The following KDM4C variants were observed in gnomAD, a reference collection of about 807,000 sequenced individuals.
KDM4C encodes the protein lysine-specific demethylase 4C.
Under a neutral mutation model 129.3 loss-of-function variants are expected in KDM4C, and 81 were observed. That is an observed-to-expected ratio of 0.63 (90% CI 0.52 to 0.75). The LOEUF (loss-of-function observed/expected upper bound fraction) is 0.75. Ranked by LOEUF, KDM4C falls within the 30% of genes least tolerant of loss-of-function variation. KDM4C has a pLI of 0.00. For synonymous variants in KDM4C, 573 were observed against 456.1 expected (o/e 1.26, Z -3.26); for missense variants, 1,457 against 1,304.0 (o/e 1.12, Z -1.81).
In KDM4C at chr9:6,758,228, G is replaced by T. The variant is rs1818644512; in HGVS notation, c.-18+25G>T. 1 of 984,532 alleles carries T rather than the reference G, an allele frequency of 1.0e-6. No individual in the cohort carries two copies. Among genetic ancestry groups the T allele is most frequent in the South Asian group, 4.7e-5 (1 of 21,262 alleles). 61.0% of individuals were successfully genotyped at this position (984,532 alleles called of 1,614,324 possible). On this transcript the variant is annotated intron_variant, in intron 1 of 21. Coordinates refer to ENST00000381309, the MANE Select transcript of KDM4C (RefSeq NM_015061.6). This position sits in a 1 kb window ranked among gnomAD's most constrained non-coding sequence, Gnocchi z 4.6. ...GGTAACCGCTTTTCCGGAGTCTGGG[G>T]GCCAGGGCGGGGGGAGGGTCCGGAG...
At chr9:6,927,071 A>G (rs1230559484) in intron 8 of KDM4C, among the ~76,000 whole-genome samples, 1 of 150,726 alleles carries the variant, frequency 6.6e-6, no homozygotes, top group African/African-American at 2.4e-5. Context: ...CTTAGATTCT[A>G]TCCTTTCAAA....
chr9:6,787,379 C>T (rs1205506860), intron 1 of KDM4C, among the ~76,000 whole-genome samples: 5 of 152,266 alleles, frequency 3.3e-5, no homozygotes, highest in Non-Finnish European at 4.4e-5. Flanking sequence ...ATCACAGGCA[C>T]GCACCACCAC....
chr9:6,917,546 T>G lies in KDM4C; in HGVS notation c.921+24314T>G, dbSNP rs547884293. ...TAGCTATTTCTCTTGCTTGTCCCTG[T>G]GTATCTGACCATGGCTGGAGATAAG... is the stretch of plus-strand genomic sequence containing the variant. On this transcript the variant is annotated intron_variant, in intron 8 of 21. Coordinates refer to ENST00000381309, the MANE Select transcript of KDM4C (RefSeq NM_015061.6). Among the ~76,000 whole-genome samples the G allele has an allele frequency of 2.0e-5, 3 of 152,346 alleles. No homozygotes were observed. In the East Asian group the frequency reaches 5.8e-4, roughly 29 times the overall value.
At chr9:7,151,689 A>G (rs1309376279) in intron 19 of KDM4C, among the ~76,000 whole-genome samples, 2 of 152,298 alleles carry the variant, frequency 1.3e-5, no homozygotes, top group East Asian at 1.9e-4. Context: ...CAAAACTATT[A>G]AAAAGGGAAA....
chr9:7,172,663 G>C (rs1239445191), intron 21 of KDM4C, among the ~76,000 whole-genome samples: 2 of 152,204 alleles, frequency 1.3e-5, no homozygotes, highest in Admixed American at 6.5e-5. Flanking sequence ...CTGTTACCCT[G>C]AGTAACTGTC....
intron 8 of KDM4C, among the ~76,000 whole-genome samples, chr9:6,970,164 G>A (rs1048321219): frequency 2.0e-5 from 3 of 152,048 alleles, no homozygotes; most frequent in Non-Finnish European, 2.9e-5. Flanking sequence ...CAAATCATGC[G>A]GTGCAATTTT....
chr9:6,949,202 T>C (rs981912787), intron 8 of KDM4C, among the ~76,000 whole-genome samples: 1 of 141,040 alleles, frequency 7.1e-6, no homozygotes, highest in Non-Finnish European at 1.5e-5. Context: ...GCTCCTCACT[T>C]CTCAGACGGG....
chr9:6,758,427 T>G lies in KDM4C; in HGVS notation c.-18+224T>G, dbSNP rs553307509. On this transcript the variant is annotated intron_variant, in intron 1 of 21. Transcript: ENST00000381309. The surrounding 1 kb of genome is among the most constrained non-coding windows in gnomAD (Gnocchi z 4.6). The stretch of plus-strand genomic sequence containing the variant: ...GATGCGGGGGCCGGTGACAGCCCGC[T>G]CCGGCCCTTACCGAGGTTCGGTACC... Among the ~76,000 whole-genome samples the G allele has an allele frequency of 7.2e-5, 11 of 152,258 alleles. No individual in the cohort carries two copies. The highest frequency in any genetic ancestry group is 2.6e-4 in the African/African-American group (11 of 41,554).
chr9:6,908,740 A>G (rs1223363803), intron 8 of KDM4C, among the ~76,000 whole-genome samples: 3 of 152,126 alleles, frequency 2.0e-5, no homozygotes, highest in Non-Finnish European at 4.4e-5. Flanking sequence ...TGGTAAAGAG[A>G]GGACATTTAG....
At chr9:6,738,243 G>A (rs1413529928) in intron 1 of KDM4C, among the ~76,000 whole-genome samples, 3 of 152,176 alleles carry the variant, frequency 2.0e-5, no homozygotes, top group Admixed American at 6.5e-5. Context: ...TTGGGAGGCC[G>A]AGGCAGATGG....
chr9:7,084,365 G>A (rs534825583), intron 17 of KDM4C, among the ~76,000 whole-genome samples: 3 of 152,318 alleles, frequency 2.0e-5, no homozygotes, highest in Non-Finnish European at 4.4e-5. Context: ...CAAGACAAAC[G>A]TTTTGTTAGC....
chr9:7,009,914 G>A (rs1026076433), intron 12 of KDM4C, among the ~76,000 whole-genome samples: 7 of 152,100 alleles, frequency 4.6e-5, no homozygotes, highest in African/African-American at 1.7e-4. Flanking sequence ...AATGAATCAT[G>A]TAGCCTAGAA....
intron 8 of KDM4C, among the ~76,000 whole-genome samples, chr9:6,936,848 T>A (rs1824887802): frequency 6.6e-6 from 1 of 152,204 alleles, no homozygotes; most frequent in Non-Finnish European, 1.5e-5. Flanking sequence ...TTAGCTAAGG[T>A]AATAAGACCT....
At chr9:6,839,386 C>T (rs1017160930) in intron 4 of KDM4C, among the ~76,000 whole-genome samples, 2 of 148,934 alleles carry the variant, frequency 1.3e-5, no homozygotes, top group African/African-American at 5.0e-5. Flanking sequence ...CTTGCCACCA[C>T]ACCTGGCCAG....
At chr9:6,834,043 C>CTTTTTTTTTTTT (rs71487860) in intron 4 of KDM4C, among the ~76,000 whole-genome samples, 13,339 of 108,028 alleles carry the variant, frequency 0.12, 1,677 homozygotes, top group Non-Finnish European at 0.14. Context: ...AAGAGATAGT[C>CTTTTTTTTTTTT]TTTTTTTTTT....
chr9:6,834,807 A>G (rs779848616), intron 4 of KDM4C: 27 of 1,369,342 alleles, frequency 2.0e-5, no homozygotes, highest in Non-Finnish European at 2.6e-5. Flanking sequence ...AGCCGCGAGA[A>G]GATGACCCAG....
At chr9:7,120,873 T>C (rs1587739634) in intron 18 of KDM4C, among the ~76,000 whole-genome samples, 2 of 152,328 alleles carry the variant, frequency 1.3e-5, no homozygotes, top group East Asian at 3.9e-4. Flanking sequence ...AGCATATCAG[T>C]TGAATAGTTC....
chr9:6,964,468 A>G (rs1465251727), intron 8 of KDM4C, among the ~76,000 whole-genome samples: 1 of 151,938 alleles, frequency 6.6e-6, no homozygotes, highest in Non-Finnish European at 1.5e-5. Context: ...TATGTGCCAC[A>G]TTTTCTTAAT....
At chr9:7,027,561 C>G (rs1826007742) in intron 15 of KDM4C, among the ~76,000 whole-genome samples, 1 of 152,186 alleles carries the variant, frequency 6.6e-6, no homozygotes, top group East Asian at 1.9e-4. Flanking sequence ...TAGATCTCAC[C>G]TAACGCTGGC....
Sources: gnomAD v4.1 joint callset for allele counts (sites outside exome capture counted in the v4.1 genomes callset) on GRCh38, gnomAD v4.1.1 for gene constraint, Gnocchi (gnomAD v3.1) non-coding constraint, MANE v1.5 for transcripts, NCBI Gene and HGNC (gene_info 2026-07-23, HGNC 2026-07-21) for gene names.